ATAD1: variants seen among roughly 807,000 people sequenced by gnomAD.
ATAD1 encodes the protein ATPase family AAA domain containing 1.
In ATAD1, 18 loss-of-function variants were observed where a neutral mutation model predicts 42.7. The observed-to-expected ratio is 0.42, with a 90% CI of 0.29 to 0.63. The LOEUF (loss-of-function observed/expected upper bound fraction) is 0.63, where lower values mean the gene tolerates loss of function less well. ATAD1 is among the 20% of genes least tolerant of loss of function. The pLI is 0.19. For synonymous variants in ATAD1, 132 were observed against 143.1 expected (o/e 0.92, Z 0.55); for missense variants, 294 against 440.4 (o/e 0.67, Z 2.98).
chr10:87,772,418 A>G (rs1387547131), intron 6 of ATAD1, among the ~76,000 whole-genome samples: 3 of 152,096 alleles, frequency 2.0e-5, no homozygotes, highest in African/African-American at 7.2e-5. Flanking sequence ...CAGCCTCTTT[A>G]TTGACTTTTT....
At chr10:87,784,100 A>C (rs1855702927) in intron 5 of ATAD1, among the ~76,000 whole-genome samples, 2 of 152,204 alleles carry the variant, frequency 1.3e-5, no homozygotes, top group Admixed American at 1.3e-4. Flanking sequence ...GCAGGAAAAC[A>C]TAAATAGGTA....
At chr10:87,790,531 C>T (rs1012131010) in intron 3 of ATAD1, 101 bp from the exon 4 acceptor site, 17 of 1,209,120 alleles carry the variant, frequency 1.4e-5, no homozygotes, top group Admixed American at 9.0e-5. Flanking sequence ...GATGATTATA[C>T]ATAAATAAGT....
At chr10:87,792,882 T>C in intron 2 of ATAD1, 127 bp from the exon 3 acceptor site, 2 of 702,026 alleles carry the variant, frequency 2.8e-6, no homozygotes, top group South Asian at 1.8e-5. Flanking sequence ...AAGGATATTC[T>C]AGGCCCCTTG....
chr10:87,779,601 C>A (rs1564751754), intron 5 of ATAD1, among the ~76,000 whole-genome samples: 1 of 151,942 alleles, frequency 6.6e-6, no homozygotes, highest in Non-Finnish European at 1.5e-5. Context: ...TATTATGTAT[C>A]AATAAAAAAT....
intron 1 of ATAD1, among the ~76,000 whole-genome samples, chr10:87,815,921 T>C (rs1350630972): frequency 1.3e-5 from 2 of 152,144 alleles, no homozygotes; most frequent in Non-Finnish European, 2.9e-5. Context: ...AAATCCCACA[T>C]ATATTTTCCC....
intron 8 of ATAD1, among the ~76,000 whole-genome samples, chr10:87,764,136 T>C (rs550863561): frequency 1.7e-4 from 26 of 151,858 alleles, no homozygotes; most frequent in African/African-American, 5.8e-4. Context: ...ATATGAGAAT[T>C]TGGTAAAAGT....
In ATAD1 at chr10:87,761,654, T is replaced by TA. The variant is rs570327254; in HGVS notation, c.832-4733dup. Among the ~76,000 whole-genome samples, 1,194 of 149,092 alleles carry TA rather than the reference T, an allele frequency of 8.0e-3. 19 individuals carry two copies. The highest frequency in any genetic ancestry group is 0.028 in the African/African-American group (1,137 of 40,800). On this transcript the variant is annotated intron_variant, in intron 8 of 9. Transcript: ENST00000680024. The stretch of plus-strand genomic sequence containing the variant: ...CCTGGGTGACAAAGCAGAGATTGTC[T>TA]AAAAAAAAAATTCCCTGTAGCCATG...
At chr10:87,755,782 G>A (rs1042459161) in intron 9 of ATAD1, among the ~76,000 whole-genome samples, 6 of 152,014 alleles carry the variant, frequency 3.9e-5, no homozygotes, top group Non-Finnish European at 7.4e-5. Context: ...GGTGATGGGC[G>A]CCTATAATCC....
chr10:87,793,030 G>A (rs966790815), intron 2 of ATAD1, among the ~76,000 whole-genome samples: 1 of 152,088 alleles, frequency 6.6e-6, no homozygotes, highest in African/African-American at 2.4e-5. Flanking sequence ...TCCAAGAGGG[G>A]CTCCCATTGT....
chr10:87,799,800 G>C (rs1383342103), intron 2 of ATAD1, among the ~76,000 whole-genome samples: 1 of 149,940 alleles, frequency 6.7e-6, no homozygotes, highest in Non-Finnish European at 1.5e-5. Context: ...TTTTTAAAAA[G>C]TGTGTCCTTT....
intron 1 of ATAD1, among the ~76,000 whole-genome samples, chr10:87,827,064 C>G (rs1857743262): frequency 1.3e-5 from 2 of 152,060 alleles, no homozygotes; most frequent in South Asian, 4.2e-4. Context: ...CATAGAGTGC[C>G]AGGTAGGTGA....
chr10:87,758,646 G>T (rs998593518), intron 8 of ATAD1, among the ~76,000 whole-genome samples: 2 of 152,050 alleles, frequency 1.3e-5, no homozygotes, highest in Non-Finnish European at 2.9e-5. Flanking sequence ...GGAAGTAAAA[G>T]ACTGAAAGAC....
intron 2 of ATAD1, among the ~76,000 whole-genome samples, chr10:87,809,658 TTTA>T (rs1857089898): frequency 6.6e-6 from 1 of 151,510 alleles, no homozygotes; most frequent in Non-Finnish European, 1.5e-5. Context: ...TATTTATTTA[TTTA>T]TTTATTTATT....
At chr10:87,776,022 T>C (rs576358252) in intron 6 of ATAD1, among the ~76,000 whole-genome samples, 7 of 152,300 alleles carry the variant, frequency 4.6e-5, no homozygotes, top group Admixed American at 3.3e-4. Flanking sequence ...ACTAGTCACT[T>C]CCTCTCCTTA....
upstream of ATAD1, among the ~76,000 whole-genome samples, chr10:87,822,438 A>T (rs1237878504): frequency 6.6e-6 from 1 of 152,202 alleles, no homozygotes. Context: ...ACAATGGAGT[A>T]CTATTCAGCC....
intron 6 of ATAD1, 93 bp from the exon 7 acceptor site, chr10:87,771,134 G>T: frequency 8.4e-6 from 7 of 828,684 alleles, no homozygotes; most frequent in Admixed American, 2.6e-5. Flanking sequence ...AAATTAAGTG[G>T]TATTTTAACT....
intron 1 of ATAD1, among the ~76,000 whole-genome samples, chr10:87,816,938 A>G (rs1243426597): frequency 6.6e-6 from 1 of 152,202 alleles, no homozygotes; most frequent in Non-Finnish European, 1.5e-5. Context: ...TCATTGAACT[A>G]CATGAACAAA....
intron 3 of ATAD1, 62 bp from the exon 4 acceptor site, chr10:87,790,492 A>G: frequency 6.7e-7 from 1 of 1,482,892 alleles, no homozygotes; most frequent in East Asian, 2.4e-5. Flanking sequence ...AAGTAAAAAG[A>G]ACGCTCCCAA....
At chr10:87,803,159 T>A (rs1281239783) in intron 2 of ATAD1, among the ~76,000 whole-genome samples, 7 of 152,160 alleles carry the variant, frequency 4.6e-5, no homozygotes, top group Admixed American at 4.6e-4. Context: ...TCTCCCTTCC[T>A]CCCCGTTTTC....
Sources: allele counts gnomAD v4.1 joint callset (sites outside exome capture counted in the v4.1 genomes callset), GRCh38; gene constraint gnomAD v4.1.1; transcripts MANE v1.5; gene names NCBI Gene and HGNC (gene_info 2026-07-23, HGNC 2026-07-21).